Variants in ATF7IP observed in about 807,000 individuals in gnomAD.
The protein encoded by ATF7IP is activating transcription factor 7 interacting protein, also known as activating transcription factor 7-interacting protein 1.
ATF7IP carries 23 observed loss-of-function variants against 106.4 expected under a neutral mutation model. That is an observed-to-expected ratio of 0.22 (90% CI 0.16 to 0.31). The LOEUF (loss-of-function observed/expected upper bound fraction) is 0.31, where lower values mean the gene tolerates loss of function less well. ATF7IP is among the 10% of genes least tolerant of loss of function. The pLI, the probability that ATF7IP is intolerant of heterozygous loss-of-function variation, is 1.00. For synonymous variants in ATF7IP, 542 were observed against 539.0 expected (o/e 1.01, Z -0.08); for missense variants, 1,334 against 1,524.3 (o/e 0.88, Z 2.08).
chr12:14,472,209 TG>T (rs1306799881), intron 10 of ATF7IP, among the ~76,000 whole-genome samples: 4 of 152,176 alleles, frequency 2.6e-5, no homozygotes, highest in African/African-American at 9.7e-5. Context: ...TAGTGTTTTA[TG>T]CTAAGTAAGC....
intron 10 of ATF7IP, among the ~76,000 whole-genome samples, chr12:14,470,158 T>C (rs1943986719): frequency 6.6e-6 from 1 of 152,210 alleles, no homozygotes; most frequent in African/African-American, 2.4e-5. Flanking sequence ...TGGAGAGATG[T>C]GCAAGGAATG....
At chr12:14,464,701 A>G (rs1227899591) in intron 9 of ATF7IP, among the ~76,000 whole-genome samples, 2 of 152,182 alleles carry the variant, frequency 1.3e-5, no homozygotes, top group African/African-American at 4.8e-5. Flanking sequence ...ATTAAGAATC[A>G]AGGGAAAAAA....
At chr12:14,417,026 A>G in intron 1 of ATF7IP, 2 of 795,530 alleles carry the variant, frequency 2.5e-6, no homozygotes, top group African/African-American at 3.7e-5. Context: ...GGTTATTAAG[A>G]ACACCTAATA....
In ATF7IP at chr12:14,438,110, A is replaced by G; in HGVS notation, c.1792-20A>G. 1 of 1,603,430 alleles carries G rather than the reference A, an allele frequency of 6.2e-7. No individual in the cohort carries two copies. The highest frequency in any genetic ancestry group is 8.5e-7 in the Non-Finnish European group (1 of 1,175,238). ...CTGGAATGCCTTCTTGGCATAATGA[A>G]GGAATATTTGTTTCTTTAGGTTATA... On this transcript the variant is annotated intron_variant, in intron 4 of 14. Transcript: ENST00000261168.
At position 14,434,419 on chromosome 12, in the gene ATF7IP, GA is replaced by G; in HGVS notation, c.1645del (p.Asn549MetfsTer35). On this transcript the variant is annotated frameshift_variant, in exon 3 of 15. Coordinates refer to ENST00000261168, the MANE Select transcript of ATF7IP (RefSeq NM_018179.5). LOFTEE classifies it high-confidence loss of function. ...IHEDDERPSE[K>X]NEFSRRKRSK... ...ATGAAGATGATGAAAGACCTTCTGAGAAAAGTATGCATGTATAAACAAACTT... is the reference window on the plus strand; with the variant it reads ...ATGAAGATGATGAAAGACCTTCTGAGAAAGTATGCATGTATAAACAAACTT... 4 of 1,546,798 alleles carry G rather than the reference GA, an allele frequency of 2.6e-6. No individual in the cohort carries two copies. The highest frequency in any genetic ancestry group is 3.6e-6 in the Non-Finnish European group (4 of 1,122,412).
Position 14,460,550 on chromosome 12 carries a change from G to T in ATF7IP, c.2214G>T (p.Leu738Phe), listed in dbSNP as rs140561687. ...CAGTTGTCAGTAGTCAACCTAAATT[G>T]CAGACTCCAGTGACTTCGGGTTCCC... ...PPAVVSSQPKLQTPVTSGSLT... is the reference protein window; with the variant it reads ...PPAVVSSQPKFQTPVTSGSLT... The change falls in exon 9 of 15, where the codon TTG (leucine) becomes TTT (phenylalanine). Residue 738 changes from leucine (L) to phenylalanine (F), a missense_variant. Transcript: ENST00000261168. 1.8e-3 allele frequency: 2,893 copies of T among 1,614,052 alleles called. 55 individuals carry two copies. The highest frequency in any genetic ancestry group is 3.1e-4 in the Non-Finnish European group (364 of 1,180,010).
chr12:14,389,568 C>T (rs1939432041), intron 1 of ATF7IP, among the ~76,000 whole-genome samples: 1 of 152,162 alleles, frequency 6.6e-6, no homozygotes, highest in African/African-American at 2.4e-5. Context: ...TATAAACTGG[C>T]AGCCAGCAAA....
chr12:14,436,038 A>T, intron 3 of ATF7IP, 68 bp from the exon 4 acceptor site: 8 of 1,476,832 alleles, frequency 5.4e-6, no homozygotes, highest in Non-Finnish European at 6.5e-6. Flanking sequence ...TTTGCTAAGG[A>T]TGGATAATAT....
intron 8 of ATF7IP, among the ~76,000 whole-genome samples, chr12:14,458,290 G>T (rs925462174): frequency 9.2e-5 from 14 of 151,972 alleles, no homozygotes; most frequent in Admixed American, 6.6e-5. Context: ...GCTAAAGATA[G>T]CTTAAAGGTA....
intron 2 of ATF7IP, among the ~76,000 whole-genome samples, chr12:14,433,162 A>C (rs1293070572): frequency 6.6e-6 from 1 of 152,118 alleles, no homozygotes; most frequent in Admixed American, 6.5e-5. Flanking sequence ...TGAGGTCAGG[A>C]GTTTGAGACC....
chr12:14,481,125 G>C lies in ATF7IP; in HGVS notation c.3220G>C (p.Ala1074Pro), dbSNP rs1252349887. 1 of 1,613,930 alleles carries C rather than the reference G, an allele frequency of 6.2e-7. No individual in the cohort carries two copies. The highest frequency in any genetic ancestry group is 2.2e-5 in the East Asian group (1 of 44,874). ...YTTLPAPPAQ[A>P]PLRGTVMQAP... ...AACTCTTCCTGCACCACCAGCTCAGGCTCCCTTGCGAGGAACTGTTATGCA... is the reference window on the plus strand; with the variant it reads ...AACTCTTCCTGCACCACCAGCTCAGCCTCCCTTGCGAGGAACTGTTATGCA... Residue 1074 changes from alanine (A) to proline (P), a missense_variant, in exon 13 of 15, where the codon GCT (alanine) becomes CCT (proline). Ala to Pro is a conservative substitution (Grantham distance 27, BLOSUM62 -1). Around this residue, in one of 10 missense-constraint regions of ATF7IP, gnomAD observed 370 missense variants for 401.2 expected, o/e 0.92. Transcript: ENST00000261168.
At position 14,436,107 on chromosome 12, in the gene ATF7IP, T is replaced by G; in HGVS notation, c.1647T>G (p.Asn549Lys). 6.2e-7 allele frequency: 1 copy of G among 1,612,458 alleles called. No homozygotes were observed. Among genetic ancestry groups the G allele is most frequent in the Non-Finnish European group, 8.5e-7 (1 of 1,179,224 alleles). ...HEDDERPSEK[N>K]EFSRRKRSKS... ...GATCATTGTGGTTTTCCTTCTCAGA[T>G]GAATTTTCTAGACGAAAACGTTCTA... Residue 549 changes from asparagine (N) to lysine (K), a missense_variant and splice_region_variant, in exon 4 of 15, where the codon AAT becomes AAG. This residue lies in a region of ATF7IP where 119 missense variants were observed against 117.8 expected (regional missense o/e 1.01). Transcript: ENST00000261168.
Position 14,447,055 on chromosome 12 carries a change from TA to T in ATF7IP, c.1995+6del. On this transcript the variant is annotated splice_donor_region_variant and intron_variant, in intron 6 of 14. Transcript: ENST00000261168. ...GAAGATCTTAAGAAAAGACATGAAGTAAAATTTTTCTATTCTTGCATAATTA... is the reference window on the plus strand; with the variant it reads ...GAAGATCTTAAGAAAAGACATGAAGTAAATTTTTCTATTCTTGCATAATTA... 6.3e-7 allele frequency: 1 copy of T among 1,590,842 alleles called. No homozygotes were observed. The highest frequency in any genetic ancestry group is 1.2e-5 in the South Asian group (1 of 86,056).
chr12:14,441,768 C>T (rs1374142061), intron 5 of ATF7IP, among the ~76,000 whole-genome samples: 5 of 152,102 alleles, frequency 3.3e-5, no homozygotes, highest in South Asian at 2.1e-4. Context: ...GGATTACAGG[C>T]GTGAGCCACC....
chr12:14,466,134 T>C (rs1393980452), intron 9 of ATF7IP: 2 of 159,884 alleles, frequency 1.3e-5, no homozygotes, highest in Admixed American at 6.5e-5. Flanking sequence ...TGCAACTGTT[T>C]CTACTGAATT....
intron 13 of ATF7IP, among the ~76,000 whole-genome samples, chr12:14,484,122 G>C (rs1024266177): frequency 6.6e-6 from 1 of 152,126 alleles, no homozygotes; most frequent in Non-Finnish European, 1.5e-5. Flanking sequence ...GAGGAATGGC[G>C]TGCTGTATCG....
At chr12:14,421,304 G>A (rs1591825775) in intron 1 of ATF7IP, among the ~76,000 whole-genome samples, 2 of 152,090 alleles carry the variant, frequency 1.3e-5, no homozygotes, top group South Asian at 2.1e-4. Flanking sequence ...CCTCTGTTCT[G>A]TTTATGTGGT....
At position 14,447,013 on chromosome 12, in the gene ATF7IP, G is replaced by A. The variant is rs1450886605; in HGVS notation, c.1955G>A (p.Arg652His). 18 of 1,521,200 alleles carry A rather than the reference G, an allele frequency of 1.2e-5. No individual in the cohort carries two copies. Among genetic ancestry groups the A allele is most frequent in the Non-Finnish European group, 1.5e-5 (17 of 1,137,986 alleles). The allele number at this position is 1,521,200 out of a possible 1,614,324, so 94.2% of individuals were successfully genotyped here. A position where few individuals can be genotyped will look rare whatever the true frequency, so the allele number is the denominator to read the frequency against. The change falls in exon 6 of 15, where the codon CGC (arginine) becomes CAC (histidine). Residue 652 changes from arginine to histidine, a missense_variant. Physicochemically the swap from Arg to His is conservative, Grantham distance 29. This residue lies in a region of ATF7IP where 171 missense variants were observed against 172.6 expected (regional missense o/e 0.99). Transcript: ENST00000261168. ...LQAKIARLTK[R>H]FEAAKEDLKK... The stretch of plus-strand genomic sequence containing the variant: ...GCCAAGATAGCCAGGTTAACCAAAC[G>A]CTTTGAAGCAGCCAAAGAAGATCTT...
intron 1 of ATF7IP, among the ~76,000 whole-genome samples, chr12:14,366,115 G>T (rs1408378229): frequency 6.6e-6 from 1 of 152,226 alleles, no homozygotes; most frequent in East Asian, 1.9e-4. Flanking sequence ...CCTCGTTCTT[G>T]AGGGGTTTCT....
Sources: allele counts gnomAD v4.1 joint callset (sites outside exome capture counted in the v4.1 genomes callset), GRCh38; gene constraint gnomAD v4.1.1; regional missense constraint gnomAD v4.1.1; transcripts MANE v1.5; gene names NCBI Gene and HGNC (gene_info 2026-07-23, HGNC 2026-07-21).